PCSK2: variants seen among roughly 807,000 people sequenced by gnomAD.
PCSK2 encodes proprotein convertase subtilisin/kexin type 2.
Under a neutral mutation model 69.7 loss-of-function variants are expected in PCSK2, and 14 were observed. The observed-to-expected ratio is 0.20, with a 90% CI of 0.13 to 0.31. The LOEUF (loss-of-function observed/expected upper bound fraction) is 0.31. Among genes scored for constraint, PCSK2 ranks in the 10% least tolerant of loss-of-function variants. The probability of loss-of-function intolerance (pLI) is 1.00; values close to 1 mark genes in which losing one functional copy is unlikely to be tolerated. For missense variants in PCSK2, 544 were observed against 842.5 expected, an observed-to-expected ratio of 0.65 and a Z score of 4.39; for synonymous variants, 307 against 320.7, an observed-to-expected ratio of 0.96 and a Z score of 0.46.
chr20:17,329,559 T>C (rs979735184), intron 2 of PCSK2, among the ~76,000 whole-genome samples: 68 of 152,338 alleles, frequency 4.5e-4, no homozygotes, highest in African/African-American at 1.6e-3. Context: ...TTACACGTAT[T>C]GAAGTGCATA....
intron 9 of PCSK2, 151 bp downstream of exon 9, chr20:17,454,108 C>T: frequency 3.6e-6 from 4 of 1,125,446 alleles, no homozygotes; most frequent in East Asian, 2.6e-5. Context: ...TCTCTATGCC[C>T]AGTCCTGCTT....
chr20:17,292,403 C>A (rs548229349), intron 2 of PCSK2, among the ~76,000 whole-genome samples: 2 of 152,170 alleles, frequency 1.3e-5, no homozygotes, highest in Admixed American at 1.3e-4. Flanking sequence ...AAGTATTAGG[C>A]AAATTAATTA....
chr20:17,383,527 CATTT>C (rs2031147263), intron 5 of PCSK2, among the ~76,000 whole-genome samples: 1 of 152,124 alleles, frequency 6.6e-6, no homozygotes, highest in Admixed American at 6.5e-5. Flanking sequence ...TTAATTCATT[CATTT>C]GTGTTATATG....
chr20:17,253,683 T>G (rs1987076276), intron 1 of PCSK2, among the ~76,000 whole-genome samples: 1 of 152,214 alleles, frequency 6.6e-6, no homozygotes, highest in Non-Finnish European at 1.5e-5. Flanking sequence ...TATACAAGAA[T>G]TTGTGTAAAT....
chr20:17,300,069 G>A (rs1989026303), intron 2 of PCSK2, among the ~76,000 whole-genome samples: 1 of 152,196 alleles, frequency 6.6e-6, no homozygotes, highest in Non-Finnish European at 1.5e-5. Flanking sequence ...AGGAAGGAGT[G>A]AAATGCTGAG....
intron 5 of PCSK2, among the ~76,000 whole-genome samples, chr20:17,405,386 G>T (rs1389889577): frequency 6.6e-6 from 1 of 152,190 alleles, no homozygotes; most frequent in Non-Finnish European, 1.5e-5. Flanking sequence ...CCAGGGCCAG[G>T]TGCAATCTCA....
intron 8 of PCSK2, among the ~76,000 whole-genome samples, chr20:17,441,841 G>A (rs1333224186): frequency 1.3e-5 from 2 of 152,028 alleles, no homozygotes; most frequent in African/African-American, 2.4e-5. Flanking sequence ...CACCTCTTCT[G>A]TTGTGGGTTC....
rs552097575 is a variant in PCSK2, at chr20:17,260,216, C to T, written c.178-24C>T. ...GGCCAACCCCAGAAGCTAACTATGC[C>T]TATGTCTACTTGACTCTCCACAGCT... On this transcript the variant is annotated intron_variant, in intron 1 of 11. Transcript: ENST00000262545. The T allele has an allele frequency of 8.3e-5, 123 of 1,489,790 alleles. 1 individual carries two copies. The South Asian group carries it at 8.7e-4, about 11-fold the overall frequency. 92.3% of individuals were successfully genotyped at this position (1,489,790 alleles called of 1,614,324 possible).
intron 2 of PCSK2, among the ~76,000 whole-genome samples, chr20:17,287,431 CTG>C (rs67695913): frequency 0.097 from 14,132 of 145,750 alleles, 718 homozygotes; most frequent in African/African-American, 0.13. Flanking sequence ...ATGTGCGTGT[CTG>C]TGTGTGTGTG....
At chr20:17,433,785 T>TTCCCTCTCTCTCTC (rs2032416599) in intron 7 of PCSK2, among the ~76,000 whole-genome samples, 1 of 40,808 alleles carries the variant, frequency 2.5e-5, no homozygotes, top group Non-Finnish European at 6.0e-5. Context: ...CTCCTTTGAT[T>TTCCCTCTCTCTCTC]TCTCTCTCTC....
intron 2 of PCSK2, among the ~76,000 whole-genome samples, chr20:17,289,469 A>G (rs1373769599): frequency 1.3e-5 from 2 of 152,288 alleles, no homozygotes; most frequent in African/African-American, 4.8e-5. Context: ...CTTTCCACTC[A>G]TTTTTGCTGT....
chr20:17,363,497 G>C (rs770099901), intron 4 of PCSK2, among the ~76,000 whole-genome samples: 6 of 152,206 alleles, frequency 3.9e-5, no homozygotes, highest in Non-Finnish European at 5.9e-5. Context: ...CCCTTTTACT[G>C]TAATGGAATT....
intron 5 of PCSK2, among the ~76,000 whole-genome samples, chr20:17,389,006 T>C (rs1348102043): frequency 2.0e-5 from 3 of 152,186 alleles, no homozygotes; most frequent in Admixed American, 1.3e-4. Context: ...GTGTCTTTAA[T>C]AGATAATGAG....
intron 2 of PCSK2, among the ~76,000 whole-genome samples, chr20:17,326,322 CAA>C (rs1990051455): frequency 6.6e-6 from 1 of 152,060 alleles, no homozygotes; most frequent in Admixed American, 6.5e-5. Context: ...TCAAAACTGT[CAA>C]AGTCATCAAA....
chr20:17,286,810 G>T (rs745831290), intron 2 of PCSK2, among the ~76,000 whole-genome samples: 3 of 152,204 alleles, frequency 2.0e-5, no homozygotes, highest in Admixed American at 1.3e-4. Context: ...GAAGGGGGTT[G>T]TGCTCACAGT....
At chr20:17,264,959 G>A (rs1987536432) in intron 2 of PCSK2, among the ~76,000 whole-genome samples, 1 of 152,028 alleles carries the variant, frequency 6.6e-6, no homozygotes, top group Admixed American at 6.6e-5. Flanking sequence ...TGCCTCCCGG[G>A]TTCAAGTGTT....
At chr20:17,456,592 T>G in intron 10 of PCSK2, 144 bp downstream of exon 10, 4 of 618,948 alleles carry the variant, frequency 6.5e-6, no homozygotes, top group Non-Finnish European at 8.7e-6. Context: ...TGCTGTGCAT[T>G]TCTAAGTGGC....
At chr20:17,303,669 C>T (rs1989232741) in intron 2 of PCSK2, among the ~76,000 whole-genome samples, 2 of 145,116 alleles carry the variant, frequency 1.4e-5, no homozygotes, top group Admixed American at 1.4e-4. Flanking sequence ...CTCTGCCTCC[C>T]GAGTTCAAGA....
intron 2 of PCSK2, among the ~76,000 whole-genome samples, chr20:17,303,487 TTATATTTAATATA>T (rs1388006077): frequency 5.4e-5 from 3 of 55,734 alleles, no homozygotes; most frequent in African/African-American, 2.1e-4. Context: ...ATAATATATA[TTATATTTAATATA>T]ATATATATTA....
Sources: allele counts gnomAD v4.1 joint callset (sites outside exome capture counted in the v4.1 genomes callset), GRCh38; gene constraint gnomAD v4.1.1; transcripts MANE v1.5; gene names NCBI Gene and HGNC (gene_info 2026-07-23, HGNC 2026-07-21).